Variants in BCAS3 observed in about 807,000 individuals in gnomAD.
BCAS3 encodes the protein BCAS3 microtubule associated cell migration factor.
Under a neutral mutation model 116.1 loss-of-function variants are expected in BCAS3, and 53 were observed. The ratio of observed to expected loss-of-function variants is 0.46; its 90% CI spans 0.37 to 0.57. BCAS3 has a LOEUF of 0.57. BCAS3 is among the 20% of genes least tolerant of loss of function. The probability of loss-of-function intolerance (pLI) is 0.00; values close to 1 mark genes in which losing one functional copy is unlikely to be tolerated. For missense variants in BCAS3, 917 were observed against 1,165.4 expected, an observed-to-expected ratio of 0.79 and a Z score of 3.10; for synonymous variants, 391 against 408.2, an observed-to-expected ratio of 0.96 and a Z score of 0.51.
At chr17:61,164,859 A>C (rs1408374207) in intron 22 of BCAS3, among the ~76,000 whole-genome samples, 7 of 152,244 alleles carry the variant, frequency 4.6e-5, no homozygotes, top group Non-Finnish European at 1.0e-4. Flanking sequence ...AGTATCCACA[A>C]ATGATGGATA....
intron 22 of BCAS3, among the ~76,000 whole-genome samples, chr17:61,284,472 A>G (rs1328622216): frequency 1.3e-5 from 2 of 152,184 alleles, no homozygotes; most frequent in Non-Finnish European, 2.9e-5. Context: ...AACTCCAGAC[A>G]CACCATCTTT....
intron 13 of BCAS3, among the ~76,000 whole-genome samples, chr17:60,946,034 G>A (rs1259586963): frequency 6.6e-6 from 1 of 151,962 alleles, no homozygotes; most frequent in Non-Finnish European, 1.5e-5. Flanking sequence ...GCAGAAGAAT[G>A]GCGTGAACCT....
rs2074594293 is a variant in BCAS3, at chr17:61,105,607, A to G, written c.2425+21043A>G. Among the ~76,000 whole-genome samples the G allele has an allele frequency of 6.6e-6, 1 of 151,804 alleles. No homozygotes were observed. Among genetic ancestry groups the G allele is most frequent in the African/African-American group, 2.4e-5 (1 of 41,296 alleles). On this transcript the variant is annotated intron_variant, in intron 22 of 23. Transcript: ENST00000407086. This position sits in a 1 kb window ranked among gnomAD's most constrained non-coding sequence, Gnocchi z 4.3. The stretch of plus-strand genomic sequence containing the variant: ...GCCCAGCTAATTTTGTATTTTTTTT[A>G]GTATAGATGGGGTTTCTCCATGTTG...
intron 5 of BCAS3, among the ~76,000 whole-genome samples, chr17:60,714,444 A>T (rs948828931): frequency 2.0e-5 from 3 of 152,144 alleles, no homozygotes; most frequent in African/African-American, 7.2e-5. Flanking sequence ...CAAGCAAGTT[A>T]CTTGAGGTCA....
intron 22 of BCAS3, among the ~76,000 whole-genome samples, chr17:61,192,362 C>A (rs1282104947): frequency 6.6e-6 from 1 of 151,446 alleles, no homozygotes; most frequent in Non-Finnish European, 1.5e-5. Context: ...CAAGAATCTT[C>A]CAGAATTGTA....
Position 60,808,039 on chromosome 17 carries a change from C to A in BCAS3, c.439C>A (p.Pro147Thr), listed in dbSNP as rs1439365606. Residue 147 changes from proline to threonine, a missense_variant, in exon 7 of 24, where the codon CCC becomes ACC. Around this residue, in one of 3 missense-constraint regions of BCAS3, gnomAD observed 807 missense variants for 1,026.0 expected, o/e 0.79. Coordinates refer to ENST00000407086, the MANE Select transcript of BCAS3 (RefSeq NM_017679.5). ...ATGTGATAACTTTGCTGAAAAAAGA[C>A]CCCTCCTTGGTGTTTGTAAGAGCAT... Reference protein sequence around the residue: ...QKCDNFAEKRPLLGVCKSIGS... With the variant: ...QKCDNFAEKRTLLGVCKSIGS... 6.2e-7 allele frequency: 1 copy of A among 1,609,684 alleles called. No individual in the cohort carries two copies. The highest frequency in any genetic ancestry group is 8.5e-7 in the Non-Finnish European group (1 of 1,177,650).
intron 22 of BCAS3, among the ~76,000 whole-genome samples, chr17:61,143,486 G>T (rs1411430820): frequency 1.3e-5 from 2 of 152,096 alleles, no homozygotes; most frequent in Non-Finnish European, 2.9e-5. Context: ...TTTTTCTTTG[G>T]TCAGGACATA....
chr17:61,312,521 G>C (rs1339232858), intron 22 of BCAS3, among the ~76,000 whole-genome samples: 2 of 152,218 alleles, frequency 1.3e-5, no homozygotes, highest in Non-Finnish European at 2.9e-5. Flanking sequence ...TTTAACAGCA[G>C]ACGTTCATGT....
rs746982776 is a variant in BCAS3 at position 61,026,662 on chromosome 17, ACT to A, written c.1638-8001_1638-8000del. Among the ~76,000 whole-genome samples, 4 of 151,932 alleles carry A rather than the reference ACT, an allele frequency of 2.6e-5. No homozygotes were observed. The highest frequency in any genetic ancestry group is 5.9e-5 in the Non-Finnish European group (4 of 67,904). On this transcript the variant is annotated intron_variant, in intron 16 of 23. Transcript: ENST00000407086. This position sits in a 1 kb window ranked among gnomAD's most constrained non-coding sequence, Gnocchi z 5.0. ...AGAAATAGAAAATTTTGAATCTCTA[ACT>A]CTGAAAATTAAGGGCCTTGTTACTA... is the stretch of plus-strand genomic sequence containing the variant.
At chr17:60,907,958 T>C (rs183653788) in intron 11 of BCAS3, among the ~76,000 whole-genome samples, 1 of 152,154 alleles carries the variant, frequency 6.6e-6, no homozygotes, top group South Asian at 2.1e-4. Context: ...GGAAACAAAT[T>C]TACCCTAAAA....
At chr17:60,683,450 AGACCCATGAAAC>A (rs1006038807) in intron 2 of BCAS3, among the ~76,000 whole-genome samples, 2 of 151,030 alleles carry the variant, frequency 1.3e-5, no homozygotes, top group African/African-American at 4.9e-5. Flanking sequence ...ACATATATAA[AGACCCATGAAAC>A]GAGAAAGTAG....
intron 19 of BCAS3, among the ~76,000 whole-genome samples, chr17:61,044,465 A>AAAAAAAAAATATATATATATATAT: frequency 1.7e-5 from 2 of 120,118 alleles, no homozygotes; most frequent in Non-Finnish European, 3.1e-5. Context: ...AAAAAAAAAA[A>AAAAAAAAAATATATATATATATAT]ATATATATAT....
intron 22 of BCAS3, among the ~76,000 whole-genome samples, chr17:61,264,884 AAG>A (rs1398097097): frequency 6.6e-6 from 1 of 152,226 alleles, no homozygotes; most frequent in African/African-American, 2.4e-5. Flanking sequence ...CTGAGCCAAA[AAG>A]AGAGCTAAGC....
chr17:61,030,406 G>A (rs566032680), intron 16 of BCAS3, among the ~76,000 whole-genome samples: 2 of 152,024 alleles, frequency 1.3e-5, no homozygotes, highest in African/African-American at 4.8e-5. Flanking sequence ...TTGCAGTTGG[G>A]TGTGGAGAAA....
chr17:60,976,357 C>G (rs1600149661), intron 14 of BCAS3, among the ~76,000 whole-genome samples: 1 of 149,820 alleles, frequency 6.7e-6, no homozygotes, highest in South Asian at 2.1e-4. Flanking sequence ...GTTTTTAGTT[C>G]TCTTGAATAT....
intron 19 of BCAS3, among the ~76,000 whole-genome samples, chr17:61,072,676 C>CAAAAA (rs75914013): frequency 9.8e-6 from 1 of 102,362 alleles, no homozygotes; most frequent in African/African-American, 3.1e-5. Context: ...GCTTTATTAC[C>CAAAAA]AAAAAAAAAA....
intron 5 of BCAS3, among the ~76,000 whole-genome samples, chr17:60,713,591 T>A (rs1425562411): frequency 4.6e-5 from 7 of 152,246 alleles, no homozygotes. Context: ...GTTTTCTTTC[T>A]TGTCATTATT....
At chr17:60,743,031 T>A (rs562113382) in intron 5 of BCAS3, among the ~76,000 whole-genome samples, 56 of 149,150 alleles carry the variant, frequency 3.8e-4, no homozygotes, top group African/African-American at 1.3e-3. Flanking sequence ...GAGAATGGCG[T>A]GAACCCAGGA....
At chr17:60,745,013 T>C (rs2041912747) in intron 5 of BCAS3, among the ~76,000 whole-genome samples, 1 of 152,094 alleles carries the variant, frequency 6.6e-6, no homozygotes, top group African/African-American at 2.4e-5. Context: ...CTAAGACAGA[T>C]TTGTTTTATT....
Sources: gnomAD v4.1 joint callset for allele counts (sites outside exome capture counted in the v4.1 genomes callset) on GRCh38, gnomAD v4.1.1 for gene constraint, gnomAD v4.1.1 regional missense constraint, Gnocchi (gnomAD v3.1) non-coding constraint, MANE v1.5 for transcripts, NCBI Gene and HGNC (gene_info 2026-07-23, HGNC 2026-07-21) for gene names.